The following FNDC11 variants were observed in gnomAD, a reference collection of about 807,000 sequenced individuals.
FNDC11 encodes fibronectin type III domain containing 11, also known as fibronectin type III domain-containing protein 11.
In FNDC11, 15 loss-of-function variants were observed where a neutral mutation model predicts 15.8. The ratio of observed to expected loss-of-function variants is 0.95; its 90% CI spans 0.63 to 1.46. FNDC11 has a LOEUF of 1.46. FNDC11 is among the 40% of genes most tolerant of loss of function. FNDC11 has a pLI of 0.00. For synonymous variants in FNDC11, 190 were observed against 203.1 expected, an observed-to-expected ratio of 0.94 and a Z score of 0.55; for missense variants, 416 against 443.4, an observed-to-expected ratio of 0.94 and a Z score of 0.55.
Position 63,556,580 on chromosome 20 carries a change from C to A in FNDC11, c.917C>A (p.Pro306Gln). 1 of 1,613,120 alleles carries A rather than the reference C, an allele frequency of 6.2e-7. No individual in the cohort carries two copies. Among genetic ancestry groups the A allele is most frequent in the Non-Finnish European group, 8.5e-7 (1 of 1,179,972 alleles). The change falls in exon 2 of 2, where the codon CCG becomes CAG. Residue 306 changes from proline to glutamine, a missense_variant. Transcript: ENST00000370097. ...GACAGCCTCACCCTGCACACCAAGC[C>A]GGAGCCCCTGGAGGGGCCCGCCCTC... ...WRDSLTLHTK[P>Q]EPLEGPALSH...
chr20:63,556,165 G>A lies in FNDC11; in HGVS notation c.502G>A (p.Ala168Thr). 1.3e-6 allele frequency: 2 copies of A among 1,595,672 alleles called. No homozygotes were observed. The highest frequency in any genetic ancestry group is 1.7e-6 in the Non-Finnish European group (2 of 1,172,154). ...GGAGCGGCGGCTGGCGGACGTGTCG[G>A]CCGTCATGGACAGCTTCCTGACCAT... ...LVERRLADVS[A>T]VMDSFLTMMV... The change falls in exon 2 of 2, where the codon GCC (alanine) becomes ACC (threonine). Residue 168 changes from alanine to threonine, a missense_variant. Transcript: ENST00000370097.
At position 63,555,685 on chromosome 20, in the gene FNDC11, C is replaced by G; in HGVS notation, c.22C>G (p.Leu8Val). The G allele has an allele frequency of 1.2e-6, 2 of 1,609,690 alleles. No individual in the cohort carries two copies. Among genetic ancestry groups the G allele is most frequent in the Non-Finnish European group, 8.5e-7 (1 of 1,177,916 alleles). MSTHVAG[L>V]GLDKMKLGNP... ...GATAATGAGCACCCATGTGGCAGGCCTGGGCCTGGACAAGATGAAGCTGGG... is the reference window on the plus strand; with the variant it reads ...GATAATGAGCACCCATGTGGCAGGCGTGGGCCTGGACAAGATGAAGCTGGG... The change falls in exon 2 of 2, where the codon CTG (leucine) becomes GTG (valine). Residue 8 changes from leucine (L) to valine (V), a missense_variant. By Grantham distance (32) the Leu-to-Val change is conservative (BLOSUM62 1). Coordinates refer to ENST00000370097, the MANE Select transcript of FNDC11 (RefSeq NM_001319152.2).
At chr20:63,555,377 A>G (rs1032266015) in intron 1 of FNDC11, 3 of 429,652 alleles carry the variant, frequency 7.0e-6, no homozygotes, top group African/African-American at 5.9e-5. Flanking sequence ...GCCACAGGTC[A>G]GGCGGTTCTG....
At chr20:63,555,491 G>T in intron 1 of FNDC11, 163 bp from the exon 2 acceptor site, 8 of 1,152,132 alleles carry the variant, frequency 6.9e-6, no homozygotes, top group Non-Finnish European at 8.3e-6. Context: ...AGATCTGTAG[G>T]CTGCCCATCC....
At position 63,556,303 on chromosome 20, in the gene FNDC11, C is replaced by T. The variant is rs377165088; in HGVS notation, c.640C>T (p.Arg214Ter). 1.1e-5 allele frequency: 17 copies of T among 1,604,766 alleles called. No homozygotes were observed. Among genetic ancestry groups the T allele is most frequent in the African/African-American group, 1.3e-5 (1 of 74,762 alleles). ...CACCAAGATGCCTGTCGTGTTTGAC[C>T]GAAAGGCGTCGGCGGCTCACCAGGA... is the stretch of plus-strand genomic sequence containing the variant. ...LSTKMPVVFD[R>*]KASAAHQDWA... is the part of the protein sequence containing the mutation. Residue 214 changes from arginine to a stop codon, truncating the protein, a stop_gained, in exon 2 of 2, where the codon CGA becomes TGA. Transcript: ENST00000370097. LOFTEE classifies it high-confidence loss of function.
rs758802108 is a variant in FNDC11 at position 63,556,657 on chromosome 20, G to C, written c.*37G>C. On this transcript the variant is annotated 3_prime_UTR_variant, in exon 2 of 2. Transcript: ENST00000370097. Reference sequence around the variant, plus strand: ...CTAATATTTATCCACTAATAAAGAAGAGTGTAAATGCACATATGGAATTAA... The same window carrying C: ...CTAATATTTATCCACTAATAAAGAACAGTGTAAATGCACATATGGAATTAA... 10 of 1,543,908 alleles carry C rather than the reference G, an allele frequency of 6.5e-6. No individual in the cohort carries two copies. Among genetic ancestry groups the C allele is most frequent in the Admixed American group, 1.8e-5 (1 of 55,364 alleles).
At chr20:63,555,366 G>A (rs56075534) in intron 1 of FNDC11, 46,921 of 393,058 alleles carry the variant, frequency 0.12, 3,718 homozygotes, top group African/African-American at 0.26. Context: ...GCCCTTGCAA[G>A]GCCACAGGTC....
rs201340663 is a variant in FNDC11, at chr20:63,556,203, G to A, written c.540G>A (p.Gly180=). Residue 180 remains glycine (G), a synonymous_variant, in exon 2 of 2, where the codon GGG becomes GGA. Transcript: ENST00000370097. ...GCTTCCTGACCATGATGGTGCCGGG[G>A]CGGCTACACGTCAAGCACCGCCTGG... The part of the protein sequence containing the change: ...MDSFLTMMVP[G]RLHVKHRLVS... The A allele has an allele frequency of 6.3e-7, 1 of 1,596,532 alleles. No homozygotes were observed.
In FNDC11 at chr20:63,555,785, A is replaced by G; in HGVS notation, c.122A>G (p.Tyr41Cys). 6.2e-7 allele frequency: 1 copy of G among 1,613,532 alleles called. No homozygotes were observed. Among genetic ancestry groups the G allele is most frequent in the Non-Finnish European group, 8.5e-7 (1 of 1,180,040 alleles). ...QLLEPEAWKT[Y>C]TERRNALREF... ...CTGGAACCAGAGGCGTGGAAGACCT[A>G]CACCGAGCGCCGCAATGCCCTGCGT... Residue 41 changes from tyrosine to cysteine, a missense_variant, in exon 2 of 2, where the codon TAC becomes TGC. Physicochemically the swap from Tyr to Cys is radical, Grantham distance 194 (BLOSUM62 -2). Coordinates refer to ENST00000370097, the MANE Select transcript of FNDC11 (RefSeq NM_001319152.2).
At chr20:63,555,588 C>G in intron 1 of FNDC11, 66 bp from the exon 2 acceptor site, 1 of 1,491,110 alleles carries the variant, frequency 6.7e-7, no homozygotes, top group South Asian at 1.3e-5. Context: ...GAATCCATCC[C>G]CCGAACATGC....
chr20:63,556,367 C>A lies in FNDC11; in HGVS notation c.704C>A (p.Ala235Asp). The A allele has an allele frequency of 6.2e-7, 1 of 1,612,390 alleles. No homozygotes were observed. Among genetic ancestry groups the A allele is most frequent in the Non-Finnish European group, 8.5e-7 (1 of 1,179,898 alleles). Residue 235 changes from alanine to aspartate, a missense_variant, in exon 2 of 2, where the codon GCC (alanine) becomes GAC (aspartate). By Grantham distance (126) the Ala-to-Asp change is moderately radical (BLOSUM62 -2). Coordinates refer to ENST00000370097, the MANE Select transcript of FNDC11 (RefSeq NM_001319152.2). ...RLRWFVTIQPATSEQYELRFR... is the reference protein window; with the variant it reads ...RLRWFVTIQPDTSEQYELRFR... Reference sequence around the variant, plus strand: ...CGCTGGTTCGTCACCATCCAGCCAGCCACATCGGAGCAGTATGAGTTGCGC... The same window carrying A: ...CGCTGGTTCGTCACCATCCAGCCAGACACATCGGAGCAGTATGAGTTGCGC...
upstream of FNDC11, chr20:63,554,125 G>T (rs1367388396): frequency 1.3e-5 from 2 of 152,246 alleles, no homozygotes; most frequent in Non-Finnish European, 2.9e-5. Context: ...CACAAAGGCC[G>T]CTGGTCCCCA....
rs907399062 is a variant in FNDC11 at position 63,556,431 on chromosome 20, C to A, written c.768C>A (p.Ala256=). The change falls in exon 2 of 2, where the codon GCC becomes GCA. Residue 256 remains alanine, a synonymous_variant. Coordinates refer to ENST00000370097, the MANE Select transcript of FNDC11 (RefSeq NM_001319152.2). ...LLDPRTQQEC[A]QCGVIPVAAC... The stretch of plus-strand genomic sequence containing the variant: ...ACCCGCGGACACAGCAGGAGTGCGC[C>A]CAGTGTGGCGTCATCCCCGTGGCTG... 1.2e-6 allele frequency: 2 copies of A among 1,613,274 alleles called. No homozygotes were observed. Among genetic ancestry groups the A allele is most frequent in the African/African-American group, 2.7e-5 (2 of 74,932 alleles).
In FNDC11 at chr20:63,556,049, T is replaced by G; in HGVS notation, c.386T>G (p.Leu129Arg). The G allele has an allele frequency of 6.2e-7, 1 of 1,600,076 alleles. No individual in the cohort carries two copies. Residue 129 changes from leucine (L) to arginine (R), a missense_variant, in exon 2 of 2, where the codon CTG (leucine) becomes CGG (arginine). By Grantham distance (102) the Leu-to-Arg change is moderately radical. Coordinates refer to ENST00000370097, the MANE Select transcript of FNDC11 (RefSeq NM_001319152.2). Reference protein sequence around the residue: ...TKIQLLLLGDLLEQLDHGRAE... With the variant: ...TKIQLLLLGDRLEQLDHGRAE... ...ATCCAGCTCCTGCTGCTCGGGGACC[T>G]GTTGGAACAGCTCGACCATGGCCGT...
In FNDC11 at chr20:63,555,659, G is replaced by A. The variant is rs765122577; in HGVS notation, c.-5G>A. ...ACACCCAGCCCTCCCCCCAGCTCCC[G>A]GATAATGAGCACCCATGTGGCAGGC... On this transcript the variant is annotated 5_prime_UTR_variant, in exon 2 of 2. Coordinates refer to ENST00000370097, the MANE Select transcript of FNDC11 (RefSeq NM_001319152.2). 8.8e-6 allele frequency: 14 copies of A among 1,597,266 alleles called. No homozygotes were observed. The highest frequency in any genetic ancestry group is 2.1e-4 in the Middle Eastern group (1 of 4,836).
Position 63,556,337 on chromosome 20 carries a change from G to T in FNDC11, c.674G>T (p.Arg225Leu). The T allele has an allele frequency of 6.2e-7, 1 of 1,611,650 alleles. No homozygotes were observed. Among genetic ancestry groups the T allele is most frequent in the East Asian group, 2.2e-5 (1 of 44,850 alleles). Residue 225 changes from arginine to leucine, a missense_variant, in exon 2 of 2, where the codon CGG becomes CTG. Transcript: ENST00000370097. ...TCGGCGGCTCACCAGGACTGGGCCC[G>T]GCTGCGCTGGTTCGTCACCATCCAG... is the stretch of plus-strand genomic sequence containing the variant. ...KASAAHQDWA[R>L]LRWFVTIQPA...
At position 63,555,967 on chromosome 20, in the gene FNDC11, C is replaced by G. The variant is rs749175024; in HGVS notation, c.304C>G (p.Leu102Val). The G allele has an allele frequency of 5.2e-5, 84 of 1,601,582 alleles. No homozygotes were observed. The highest frequency in any genetic ancestry group is 7.1e-5 in the Non-Finnish European group (84 of 1,179,954). ...GGTGCTGCCTAGCGCCTTGTTCCAG[C>G]TCATCGACCCCTGGAAGTTCCAGCG... ...PLVLPSALFQ[L>V]IDPWKFQRMK... The change falls in exon 2 of 2, where the codon CTC (leucine) becomes GTC (valine). Residue 102 changes from leucine to valine, a missense_variant. Coordinates refer to ENST00000370097, the MANE Select transcript of FNDC11 (RefSeq NM_001319152.2).
chr20:63,554,751 G>A (rs553132662), intron 1 of FNDC11: 2 of 152,390 alleles, frequency 1.3e-5, no homozygotes, highest in East Asian at 3.9e-4. Flanking sequence ...GTGTGGCCCT[G>A]GGGAACTCAG....
At position 63,556,459 on chromosome 20, in the gene FNDC11, T is replaced by G. The variant is rs771659298; in HGVS notation, c.796T>G (p.Cys266Gly). The part of the protein sequence containing the change: ...AQCGVIPVAA[C>G]TFDVRNLLPN... ...GTGTGGCGTCATCCCCGTGGCTGCCTGCACCTTCGACGTCCGAAACCTGCT... is the reference window on the plus strand; with the variant it reads ...GTGTGGCGTCATCCCCGTGGCTGCCGGCACCTTCGACGTCCGAAACCTGCT... The change falls in exon 2 of 2, where the codon TGC becomes GGC. Residue 266 changes from cysteine (C) to glycine (G), a missense_variant. By Grantham distance (159) the Cys-to-Gly change is radical. Coordinates refer to ENST00000370097, the MANE Select transcript of FNDC11 (RefSeq NM_001319152.2). 1.1e-5 allele frequency: 17 copies of G among 1,613,526 alleles called. No individual in the cohort carries two copies. The highest frequency in any genetic ancestry group is 1.4e-5 in the Non-Finnish European group (17 of 1,180,014).
Sources: allele counts gnomAD v4.1 joint callset, GRCh38; gene constraint gnomAD v4.1.1; transcripts MANE v1.5; gene names NCBI Gene and HGNC (gene_info 2026-07-23, HGNC 2026-07-21).